The following OTOGL variants were observed in gnomAD, a reference collection of about 807,000 sequenced individuals.
The protein encoded by OTOGL is otogelin like.
In OTOGL, 285 loss-of-function variants were observed where a neutral mutation model predicts 318.5. The observed-to-expected ratio is 0.89, with a 90% CI of 0.81 to 0.99. The LOEUF (loss-of-function observed/expected upper bound fraction) is 0.99, where lower values mean the gene tolerates loss of function less well. Among genes scored for constraint, OTOGL ranks in the 50% least tolerant of loss-of-function variants. OTOGL has a pLI of 0.00. For missense variants in OTOGL, 2,899 were observed against 2,845.6 expected (o/e 1.02, Z -0.43); for synonymous variants, 987 against 936.5 (o/e 1.05, Z -0.99).
At chr12:80,240,315 G>T (rs1263746944) in intron 11 of OTOGL, among the ~76,000 whole-genome samples, 1 of 151,980 alleles carries the variant, frequency 6.6e-6, no homozygotes, top group Non-Finnish European at 1.5e-5. Context: ...AACAAATACT[G>T]TGGCTCTTAA....
chr12:80,117,514 C>A (rs1156685942), intron 1 of OTOGL, among the ~76,000 whole-genome samples: 1 of 152,174 alleles, frequency 6.6e-6, no homozygotes, highest in Non-Finnish European at 1.5e-5. Flanking sequence ...CACGTTAACT[C>A]AGGCTTTGAG....
chr12:80,321,984 C>T (rs11114401), intron 34 of OTOGL, among the ~76,000 whole-genome samples: 122,001 of 152,134 alleles, frequency 0.8, 49,076 homozygotes, highest in East Asian at 0.95. Flanking sequence ...AGCACTCTGC[C>T]CTGGATTTGA....
intron 11 of OTOGL, among the ~76,000 whole-genome samples, 163 bp from the exon 12 acceptor site, chr12:80,251,530 T>C (rs980113313): frequency 9.8e-5 from 15 of 152,370 alleles, no homozygotes; most frequent in Non-Finnish European, 2.1e-4. Context: ...GTTTTCTGCA[T>C]TGTTGTACTT....
intron 48 of OTOGL, 26 bp from the exon 49 acceptor site, chr12:80,356,781 T>G: frequency 4.9e-6 from 7 of 1,438,360 alleles, no homozygotes; most frequent in Non-Finnish European, 6.7e-6. Flanking sequence ...CTATACAAAT[T>G]TTCTAATGTA....
intron 29 of OTOGL, among the ~76,000 whole-genome samples, chr12:80,308,416 G>A (rs1349065444): frequency 1.1e-4 from 16 of 151,722 alleles, no homozygotes; most frequent in African/African-American, 3.9e-4. Flanking sequence ...ATGGGCGGCC[G>A]GGCAGAGATG....
intron 1 of OTOGL, among the ~76,000 whole-genome samples, chr12:80,147,869 G>T (rs1872509136): frequency 6.6e-6 from 1 of 152,008 alleles, no homozygotes; most frequent in African/African-American, 2.4e-5. Flanking sequence ...CAGAGACTAG[G>T]ATTGCAACCC....
In OTOGL at chr12:80,270,751, TA is replaced by T. The variant is rs1883347352; in HGVS notation, c.2518+600del. Among the ~76,000 whole-genome samples the T allele has an allele frequency of 2.0e-5, 3 of 152,130 alleles. No individual in the cohort carries two copies. The South Asian group carries it at 6.2e-4, about 31-fold the overall frequency. On this transcript the variant is annotated intron_variant, in intron 23 of 58. Coordinates refer to ENST00000547103, the MANE Select transcript of OTOGL (RefSeq NM_001378609.3). Reference sequence around the variant, plus strand: ...CTGTTATCCCTTCAGAATGTCATTTTAAATACCTTTCCTAAGATCTTATGTA... The same window carrying T: ...CTGTTATCCCTTCAGAATGTCATTTTAATACCTTTCCTAAGATCTTATGTA...
intron 11 of OTOGL, among the ~76,000 whole-genome samples, chr12:80,243,419 A>T (rs1322378154): frequency 1.3e-5 from 2 of 151,952 alleles, no homozygotes; most frequent in African/African-American, 2.4e-5. Flanking sequence ...ACTAAGCAAA[A>T]TTTTTACCAA....
At position 80,099,597 on chromosome 12, in the gene OTOGL, G is replaced by T. The variant is rs1869011418; in HGVS notation, c.-28G>T. 4.6e-5 allele frequency: 7 copies of T among 152,306 alleles called. No individual in the cohort carries two copies. The South Asian group carries it at 1.5e-3, about 32-fold the overall frequency. The allele number at this position is 152,306 out of a possible 1,614,324, so 9.4% of individuals were successfully genotyped here. On this transcript the variant is annotated 5_prime_UTR_variant, in exon 1 of 59. Coordinates refer to ENST00000547103, the MANE Select transcript of OTOGL (RefSeq NM_001378609.3). ...CATAAGGAATAAAGCCATAGCCAGT[G>T]CTTCCCTGGTAAGTTTTGGGGGATG... is the stretch of plus-strand genomic sequence containing the variant.
Position 80,336,820 on chromosome 12 carries a change from A to G in OTOGL, c.4767A>G (p.Leu1589=), listed in dbSNP as rs1888438798. The G allele has an allele frequency of 6.5e-7, 1 of 1,530,460 alleles. No individual in the cohort carries two copies. Among genetic ancestry groups the G allele is most frequent in the South Asian group, 1.2e-5 (1 of 83,128 alleles). The allele number at this position is 1,530,460 out of a possible 1,614,324, so 94.8% of individuals were successfully genotyped here. A position where few individuals can be genotyped will look rare whatever the true frequency, so the allele number is the denominator to read the frequency against. The change falls in exon 41 of 59, where the codon CTA becomes CTG. Residue 1589 remains leucine (L), a splice_region_variant and synonymous_variant. Coordinates refer to ENST00000547103, the MANE Select transcript of OTOGL (RefSeq NM_001378609.3). ...MNQNGNSLKK[L]APSGRISGLC... is the part of the protein sequence containing the mutation. ...AGAATGGAAACTCCTTAAAAAAGCT[A>G]GTGAGTATTTGCAAAGTGTTTAGTA...
chr12:80,364,436 T>C (rs1890409702), intron 52 of OTOGL, among the ~76,000 whole-genome samples: 1 of 152,188 alleles, frequency 6.6e-6, no homozygotes, highest in Non-Finnish European at 1.5e-5. Flanking sequence ...TAACATACAA[T>C]ACATCCATTT....
intron 1 of OTOGL, among the ~76,000 whole-genome samples, chr12:80,174,337 G>T (rs151221901): frequency 2.0e-5 from 3 of 152,200 alleles, no homozygotes; most frequent in South Asian, 4.1e-4. Context: ...CATAGTTTTC[G>T]AAACAGAATT....
chr12:80,160,156 G>A (rs775529567), intron 1 of OTOGL, among the ~76,000 whole-genome samples: 55 of 152,004 alleles, frequency 3.6e-4, no homozygotes, highest in South Asian at 2.1e-4. Flanking sequence ...AGAAGATAAC[G>A]TAGGAAAAAC....
intron 26 of OTOGL, among the ~76,000 whole-genome samples, chr12:80,289,244 T>G (rs1304664837): frequency 6.6e-6 from 1 of 152,148 alleles, no homozygotes; most frequent in Non-Finnish European, 1.5e-5. Context: ...CAGCAAAGAT[T>G]GCTGCCTGCT....
chr12:80,186,122 C>T (rs922398451), intron 1 of OTOGL, among the ~76,000 whole-genome samples: 1 of 152,194 alleles, frequency 6.6e-6, no homozygotes, highest in African/African-American at 2.4e-5. Flanking sequence ...ATCTTGGCAA[C>T]TTAGTCACAT....
chr12:80,251,764 C>A lies in OTOGL; in HGVS notation c.1124C>A (p.Pro375His). 6.3e-7 allele frequency: 1 copy of A among 1,588,580 alleles called. No homozygotes were observed. The highest frequency in any genetic ancestry group is 1.3e-5 in the African/African-American group (1 of 74,706). The stretch of plus-strand genomic sequence containing the variant: ...AGAGCCTGCTCTCATGCTGGCTACC[C>A]TATTCAAGACTGGAGAGATGACTTT... ...YARACSHAGYPIQDWRDDFPA... is the reference protein window; with the variant it reads ...YARACSHAGYHIQDWRDDFPA... Residue 375 changes from proline (P) to histidine (H), a missense_variant, in exon 12 of 59, where the codon CCT (proline) becomes CAT (histidine). Coordinates refer to ENST00000547103, the MANE Select transcript of OTOGL (RefSeq NM_001378609.3).
chr12:80,223,039 C>G (rs1878503827), intron 7 of OTOGL, among the ~76,000 whole-genome samples: 1 of 152,018 alleles, frequency 6.6e-6, no homozygotes, highest in Admixed American at 6.6e-5. Context: ...CATCACCCCC[C>G]AGCCTTTCCC....
chr12:80,279,781 T>C (rs192195029), intron 26 of OTOGL, among the ~76,000 whole-genome samples: 33 of 151,938 alleles, frequency 2.2e-4, no homozygotes, highest in Admixed American at 1.8e-3. Flanking sequence ...GGTAGAATGA[T>C]TTATATTCCT....
chr12:80,113,893 C>CT (rs1393203954), intron 1 of OTOGL, among the ~76,000 whole-genome samples: 1 of 151,950 alleles, frequency 6.6e-6, no homozygotes, highest in East Asian at 1.9e-4. Flanking sequence ...CTTTTTTCAT[C>CT]TTTTTTGGTT....
Sources: allele counts gnomAD v4.1 joint callset (sites outside exome capture counted in the v4.1 genomes callset), GRCh38; gene constraint gnomAD v4.1.1; transcripts MANE v1.5; gene names NCBI Gene and HGNC (gene_info 2026-07-23, HGNC 2026-07-21).